The following PKN2 variants were observed in gnomAD, a reference collection of about 807,000 sequenced individuals.
PKN2 encodes the protein protein kinase N2, also known as serine/threonine-protein kinase N2.
A neutral mutation model predicts 119.1 loss-of-function variants in PKN2; 38 were observed. The observed-to-expected ratio is 0.32, with a 90% confidence interval of 0.25 to 0.42. The LOEUF (loss-of-function observed/expected upper bound fraction) is 0.42. Among genes scored for constraint, PKN2 ranks in the 10% least tolerant of loss-of-function variants. The pLI, the probability that PKN2 is intolerant of heterozygous loss-of-function variation, is 1.00. For missense variants in PKN2, 850 were observed against 1,165.1 expected (o/e 0.73, Z 3.94); for synonymous variants, 390 against 384.9 (o/e 1.01, Z -0.15).
At chr1:88,781,277 G>T (rs1670331591) in intron 6 of PKN2, 2 of 456,500 alleles carry the variant, frequency 4.4e-6, no homozygotes, top group Non-Finnish European at 6.9e-6. Context: ...CCAGTTTGTT[G>T]CTACTTTGAA....
chr1:88,811,039 A>G (rs1671764509), intron 15 of PKN2, among the ~76,000 whole-genome samples: 1 of 152,210 alleles, frequency 6.6e-6, no homozygotes, highest in Non-Finnish European at 1.5e-5. Flanking sequence ...TTTTAAGTGA[A>G]CACAAATTAT....
chr1:88,771,813 C>G lies in PKN2; in HGVS notation c.919C>G (p.Pro307Ala), dbSNP rs1669904603. 6.2e-7 allele frequency: 1 copy of G among 1,613,902 alleles called. No individual in the cohort carries two copies. Among genetic ancestry groups the G allele is most frequent in the East Asian group, 2.2e-5 (1 of 44,832 alleles). ...SLVAASPTLS[P>A]RQSMISTQNQ... ...TGTTGCTGCATCACCAACACTAAGT[C>G]CACGTCAAAGTATGATATCTACGCA... Residue 307 changes from proline (P) to alanine (A), a missense_variant, in exon 6 of 22, where the codon CCA becomes GCA. Coordinates refer to ENST00000370521, the MANE Select transcript of PKN2 (RefSeq NM_006256.4).
At chr1:88,761,953 C>G (rs1260929034) in intron 3 of PKN2, among the ~76,000 whole-genome samples, 1 of 151,778 alleles carries the variant, frequency 6.6e-6, no homozygotes, top group African/African-American at 2.4e-5. Context: ...CCTGGAACTG[C>G]GATTTTAGCA....
intron 8 of PKN2, among the ~76,000 whole-genome samples, chr1:88,803,359 A>G (rs1441169907): frequency 4.6e-5 from 7 of 152,200 alleles, no homozygotes; most frequent in African/African-American, 1.7e-4. Flanking sequence ...AAAACGTTAC[A>G]TAATGAAATG....
At chr1:88,708,985 A>G (rs1392265357) in intron 1 of PKN2, among the ~76,000 whole-genome samples, 1 of 150,594 alleles carries the variant, frequency 6.6e-6, no homozygotes, top group Non-Finnish European at 1.5e-5. Flanking sequence ...CTTTCCATTC[A>G]TTCAGCAAGT....
chr1:88,830,585 A>G (rs1283934500), intron 19 of PKN2, among the ~76,000 whole-genome samples: 3 of 151,876 alleles, frequency 2.0e-5, no homozygotes, highest in East Asian at 3.9e-4. Context: ...TAGAGATGAC[A>G]TGTGCAAAAT....
chr1:88,830,947 G>T (rs1672704468), intron 19 of PKN2, among the ~76,000 whole-genome samples: 1 of 152,052 alleles, frequency 6.6e-6, no homozygotes, highest in Non-Finnish European at 1.5e-5. Context: ...GTTTATGTCA[G>T]ATTTCTCTAT....
intron 17 of PKN2, among the ~76,000 whole-genome samples, chr1:88,823,380 A>G (rs957585529): frequency 2.6e-5 from 4 of 152,010 alleles, no homozygotes; most frequent in African/African-American, 9.7e-5. Flanking sequence ...ATTCTTTCTT[A>G]TGGATGGTAT....
At chr1:88,815,259 TC>T (rs1671938122) in intron 16 of PKN2, among the ~76,000 whole-genome samples, 1 of 152,138 alleles carries the variant, frequency 6.6e-6, no homozygotes, top group African/African-American at 2.4e-5. Flanking sequence ...AACCATAAAG[TC>T]CAGTGAAAAT....
chr1:88,820,298 G>A (rs908980706), intron 16 of PKN2, among the ~76,000 whole-genome samples: 19 of 143,930 alleles, frequency 1.3e-4, no homozygotes, highest in African/African-American at 5.0e-4. Context: ...ACTTTGGGAG[G>A]CCGAGGCGGG....
Position 88,824,799 on chromosome 1 carries a change from A to G in PKN2, c.2419+413A>G, listed in dbSNP as rs1382341608. Reference sequence around the variant, plus strand: ...TAGGTATCTCATGTATGTTTTTTGTATATTCAAAAGTAAATAAGTAAATTG... The same window carrying G: ...TAGGTATCTCATGTATGTTTTTTGTGTATTCAAAAGTAAATAAGTAAATTG... On this transcript the variant is annotated intron_variant, in intron 18 of 21. Transcript: ENST00000370521. 1.3e-5 allele frequency among the ~76,000 whole-genome samples: 2 copies of G among 152,260 alleles called. 1 individual carries two copies. Among genetic ancestry groups the G allele is most frequent in the Non-Finnish European group, 2.9e-5 (2 of 68,034 alleles).
intron 2 of PKN2, among the ~76,000 whole-genome samples, chr1:88,754,073 T>C (rs1163931575): frequency 1.3e-5 from 2 of 152,182 alleles, no homozygotes; most frequent in Non-Finnish European, 1.5e-5. Context: ...GTGGACTTTT[T>C]TCCCCTATAT....
At chr1:88,793,537 C>T (rs1670933948) in intron 8 of PKN2, among the ~76,000 whole-genome samples, 1 of 151,712 alleles carries the variant, frequency 6.6e-6, no homozygotes, top group Admixed American at 6.6e-5. Flanking sequence ...ATCAGGTACT[C>T]TCTGATATTC....
At chr1:88,759,983 A>G (rs1347871732) in intron 2 of PKN2, among the ~76,000 whole-genome samples, 1 of 151,990 alleles carries the variant, frequency 6.6e-6, no homozygotes, top group Non-Finnish European at 1.5e-5. Flanking sequence ...CAGACTTAAT[A>G]TAATCACTTT....
chr1:88,718,259 G>T (rs924784312), intron 1 of PKN2, among the ~76,000 whole-genome samples: 1 of 152,208 alleles, frequency 6.6e-6, no homozygotes, highest in Non-Finnish European at 1.5e-5. Flanking sequence ...TCCCAGTTAG[G>T]CTACTCGGGG....
At chr1:88,805,320 C>T (rs750189380) in intron 10 of PKN2, among the ~76,000 whole-genome samples, 177 bp from the exon 11 acceptor site, 28 of 152,202 alleles carry the variant, frequency 1.8e-4, no homozygotes, top group Admixed American at 8.5e-4. Flanking sequence ...TTTAAAACTA[C>T]GTATGCTATT....
intron 1 of PKN2, among the ~76,000 whole-genome samples, chr1:88,727,005 A>C (rs559237320): frequency 6.6e-6 from 1 of 151,996 alleles, no homozygotes; most frequent in Admixed American, 6.6e-5. Context: ...TTCTATTACT[A>C]CTTCTATCTG....
chr1:88,753,948 T>G (rs1669101699), intron 2 of PKN2, among the ~76,000 whole-genome samples: 1 of 152,142 alleles, frequency 6.6e-6, no homozygotes, highest in Admixed American at 6.6e-5. Context: ...CAGCTTTCAG[T>G]GTTGTTGCTG....
chr1:88,800,735 A>G (rs1395153951), intron 8 of PKN2, among the ~76,000 whole-genome samples: 2 of 152,174 alleles, frequency 1.3e-5, no homozygotes, highest in Non-Finnish European at 2.9e-5. Flanking sequence ...ATTGCAATAC[A>G]TGTTTTAATT....
Sources: allele counts gnomAD v4.1 joint callset (sites outside exome capture counted in the v4.1 genomes callset), GRCh38; gene constraint gnomAD v4.1.1; transcripts MANE v1.5; gene names NCBI Gene and HGNC (gene_info 2026-07-23, HGNC 2026-07-21).